TTC23L: variants seen among roughly 807,000 people sequenced by gnomAD.
TTC23L encodes tetratricopeptide repeat domain 23 like.
In TTC23L, 42 loss-of-function variants were observed where a neutral mutation model predicts 48.1. The ratio of observed to expected loss-of-function variants is 0.87; its 90% CI spans 0.68 to 1.13. TTC23L has a LOEUF of 1.13. Ranked by LOEUF, TTC23L falls within the 50% of genes most tolerant of loss-of-function variation. TTC23L has a pLI of 0.00. For missense variants in TTC23L, 391 were observed against 421.0 expected (o/e 0.93, Z 0.62); for synonymous variants, 159 against 157.2 (o/e 1.01, Z -0.09).
At chr5:34,918,815 G>GA in the TTC23L span, 4 of 160,788 alleles carry the variant, frequency 2.5e-5, no homozygotes, top group Admixed American at 7.2e-5. Flanking sequence ...TGCTTTTTGG[G>GA]CCTTTTTTTT....
At chr5:34,876,248 G>GA (rs1186362511) in intron 8 of TTC23L, among the ~76,000 whole-genome samples, 4 of 151,334 alleles carry the variant, frequency 2.6e-5, no homozygotes, top group Non-Finnish European at 5.9e-5. Context: ...AAAGTAAGAA[G>GA]AAAAAAATAA....
At chr5:34,911,211 A>G in the TTC23L span, among the ~76,000 whole-genome samples, 3 of 152,218 alleles carry the variant, frequency 2.0e-5, no homozygotes, top group African/African-American at 4.8e-5. Flanking sequence ...AAAAGATACC[A>G]TAATACAAAC....
intron 7 of TTC23L, chr5:34,868,632 A>G: frequency 3.5e-6 from 1 of 288,778 alleles, no homozygotes; most frequent in Non-Finnish European, 6.8e-6. Context: ...TTTGCTATGA[A>G]ATCTAATAAA....
chr5:34,867,280 G>A (rs1248820839), intron 7 of TTC23L: 8 of 606,158 alleles, frequency 1.3e-5, no homozygotes, highest in Non-Finnish European at 2.3e-5. Flanking sequence ...CGAATGTGCT[G>A]TGTCATTGGC....
chr5:34,902,509 C>G, downstream of TTC23L: 2 of 211,318 alleles, frequency 9.5e-6, no homozygotes, highest in Non-Finnish European at 1.0e-5. Context: ...GCACTCAGTG[C>G]TTACAGAACC....
intron 8 of TTC23L, among the ~76,000 whole-genome samples, chr5:34,873,046 G>A (rs1761578484): frequency 6.6e-6 from 1 of 151,524 alleles, no homozygotes; most frequent in Non-Finnish European, 1.5e-5. Context: ...TTGGGTGACA[G>A]AGGGAGACTC....
chr5:34,915,013 G>C, the TTC23L span: 1 of 1,067,240 alleles, frequency 9.4e-7, no homozygotes, highest in Non-Finnish European at 1.4e-6. Context: ...GGTCCGGCGA[G>C]CTCCACCTGC....
rs1218407928 is a variant in TTC23L, at chr5:34,863,056, T to C, written c.536+2T>C. The C allele has an allele frequency of 6.2e-7, 1 of 1,613,750 alleles. No individual in the cohort carries two copies. Among genetic ancestry groups the C allele is most frequent in the Non-Finnish European group, 8.5e-7 (1 of 1,179,842 alleles). On this transcript the variant is annotated splice_donor_variant, in intron 5 of 10. Coordinates refer to ENST00000505624, the Ensembl canonical transcript of TTC23L. LOFTEE classifies it high-confidence loss of function. The surrounding 1 kb of genome is among the most constrained non-coding windows in gnomAD (Gnocchi z 4.1). ...CGTGGCCTGGCTCCTGCAGAACCGA[T>C]ATCCTTCCATTCCTAGCTGCGTTTA...
At chr5:34,908,629 A>C in the TTC23L span, 1 of 716,918 alleles carries the variant, frequency 1.4e-6, no homozygotes, top group Non-Finnish European at 2.3e-6. Context: ...ATTAGGGTAC[A>C]TGACCTTGCT....
chr5:34,850,088 A>G (rs1759540350), intron 3 of TTC23L, 97 bp from the exon 4 acceptor site: 1 of 1,373,670 alleles, frequency 7.3e-7, no homozygotes, highest in Non-Finnish European at 1.0e-6. Context: ...GAGAAAAAAG[A>G]TGACAGGTGA....
At chr5:34,862,470 ATTG>A (rs1214429248) in intron 4 of TTC23L, among the ~76,000 whole-genome samples, 1 of 152,172 alleles carries the variant, frequency 6.6e-6, no homozygotes, top group Non-Finnish European at 1.5e-5. Flanking sequence ...TATAATTATT[ATTG>A]TTGTTCAACA....
At chr5:34,885,879 TAAAGC>T (rs1762512342) in intron 9 of TTC23L, among the ~76,000 whole-genome samples, 2 of 152,018 alleles carry the variant, frequency 1.3e-5, no homozygotes, top group South Asian at 4.1e-4. Flanking sequence ...AAGAGAAAAA[TAAAGC>T]AAACGTGGCA....
the TTC23L span, chr5:34,915,725 G>C: frequency 5.3e-5 from 85 of 1,593,558 alleles, no homozygotes; most frequent in Non-Finnish European, 7.0e-5. Flanking sequence ...CAAGAGCGCG[G>C]GCGGCGAGGC....
the TTC23L span, chr5:34,922,648 T>G: frequency 1.3e-5 from 21 of 1,594,836 alleles, no homozygotes; most frequent in Non-Finnish European, 1.5e-5. Context: ...TTTGAAATAG[T>G]TGTGCAAAAG....
At chr5:34,860,350 CAAGATGAGT>C (rs1425296405) in intron 4 of TTC23L, among the ~76,000 whole-genome samples, 1 of 152,206 alleles carries the variant, frequency 6.6e-6, no homozygotes, top group Non-Finnish European at 1.5e-5. Flanking sequence ...TCTTGAAAAA[CAAGATGAGT>C]CCTACTTCTT....
chr5:34,922,424 C>A, the TTC23L span: 1 of 897,982 alleles, frequency 1.1e-6, no homozygotes, highest in Non-Finnish European at 1.7e-6. Flanking sequence ...AAACTTGATA[C>A]CTTTAAAGAA....
chr5:34,853,636 A>G (rs1229696201), intron 4 of TTC23L, among the ~76,000 whole-genome samples: 2 of 152,192 alleles, frequency 1.3e-5, no homozygotes, highest in African/African-American at 2.4e-5. Flanking sequence ...TAGAAGACTC[A>G]GGAGGACCCG....
chr5:34,902,673 T>C (rs1430763084), downstream of TTC23L, among the ~76,000 whole-genome samples: 1 of 152,162 alleles, frequency 6.6e-6, no homozygotes, highest in African/African-American at 2.4e-5. Flanking sequence ...CACTGACTGG[T>C]AGGCCTTCTC....
In TTC23L at chr5:34,863,171, A is replaced by G. The variant is rs1257065953; in HGVS notation, c.536+117A>G. The G allele has an allele frequency of 7.8e-7, 1 of 1,289,740 alleles. No individual in the cohort carries two copies. Among genetic ancestry groups the G allele is most frequent in the Non-Finnish European group, 1.1e-6 (1 of 924,526 alleles). The allele number at this position is 1,289,740 out of a possible 1,614,324, so 79.9% of individuals were successfully genotyped here. A position where few individuals can be genotyped will look rare whatever the true frequency, so the allele number is the denominator to read the frequency against. On this transcript the variant is annotated intron_variant, in intron 5 of 10. Coordinates refer to ENST00000505624, the Ensembl canonical transcript of TTC23L. The surrounding 1 kb of genome is among the most constrained non-coding windows in gnomAD (Gnocchi z 4.1). ...ACCAAGGCCTTGTAGATCTGTTCCA[A>G]CATCAAGGCCCTCCATGAGCCTCTC...
Sources: gnomAD v4.1 joint callset for allele counts (sites outside exome capture counted in the v4.1 genomes callset) on GRCh38, gnomAD v4.1.1 for gene constraint, Gnocchi (gnomAD v3.1) non-coding constraint, MANE v1.5 for transcripts, NCBI Gene and HGNC (gene_info 2026-07-23, HGNC 2026-07-21) for gene names.